AGBL1: variants seen among roughly 807,000 people sequenced by gnomAD.
The protein encoded by AGBL1 is AGBL carboxypeptidase 1.
A neutral mutation model predicts 118.9 loss-of-function variants in AGBL1; 130 were observed. The ratio of observed to expected loss-of-function variants is 1.09; its 90% CI spans 0.95 to 1.26. The LOEUF (loss-of-function observed/expected upper bound fraction) is 1.26, where lower values mean the gene tolerates loss of function less well. Among genes scored for constraint, AGBL1 ranks in the 50% most tolerant of loss-of-function variants. The pLI, the probability that AGBL1 is intolerant of heterozygous loss-of-function variation, is 0.00. For synonymous variants in AGBL1, 555 were observed against 478.9 expected (o/e 1.16, Z -2.08); for missense variants, 1,584 against 1,298.1 (o/e 1.22, Z -3.38).
chr15:86,871,702 C>T (rs780106251), intron 22 of AGBL1, among the ~76,000 whole-genome samples: 13 of 152,130 alleles, frequency 8.5e-5, no homozygotes, highest in Non-Finnish European at 1.6e-4. Context: ...TACACCGGGA[C>T]TGTTGGGTCA....
chr15:86,674,583 G>A (rs563637445), intron 22 of AGBL1, 147 bp downstream of exon 22: 71 of 780,650 alleles, frequency 9.1e-5, no homozygotes, highest in Non-Finnish European at 1.1e-4. Context: ...ACACTATCTC[G>A]TTTCCTACTG....
rs867084672 is a variant in AGBL1 at position 86,950,522 on chromosome 15, T to A, written c.3222-37465T>A. ...AGCAGTAACCAAAAAGAAAAAAATA[T>A]ATATATGTATATATATATGCACACA... On this transcript the variant is annotated intron_variant, in intron 23 of 24. Coordinates refer to the AGBL1 transcript ENST00000441037. Among the ~76,000 whole-genome samples, 19 of 150,392 alleles carry A rather than the reference T, an allele frequency of 1.3e-4. No homozygotes were observed. The East Asian group carries it at 1.4e-3, about 11-fold the overall frequency.
intron 6 of AGBL1, among the ~76,000 whole-genome samples, chr15:86,241,674 C>T (rs1324809846): frequency 6.6e-6 from 1 of 152,192 alleles, no homozygotes; most frequent in Non-Finnish European, 1.5e-5. Flanking sequence ...TAATCTCATT[C>T]ACAAGAGAAG....
intron 1 of AGBL1, among the ~76,000 whole-genome samples, chr15:86,124,323 CTG>C (rs1465198468): frequency 8.6e-6 from 1 of 116,646 alleles, no homozygotes; most frequent in Admixed American, 8.8e-5. Flanking sequence ...GAGTGAGACT[CTG>C]TCTCAAAAAA....
intron 19 of AGBL1, among the ~76,000 whole-genome samples, chr15:86,528,099 G>A (rs1001744757): frequency 1.4e-4 from 22 of 152,144 alleles, no homozygotes; most frequent in Non-Finnish European, 2.9e-4. Context: ...TTTCTGGGGG[G>A]AGGAGCCAAG....
intron 22 of AGBL1, among the ~76,000 whole-genome samples, chr15:86,732,803 CAT>C (rs2077542965): frequency 6.6e-6 from 1 of 151,866 alleles, no homozygotes; most frequent in African/African-American, 2.4e-5. Flanking sequence ...GCATCTGTCT[CAT>C]ATCCTCATCT....
At chr15:86,817,341 C>G (rs1352651991) in intron 22 of AGBL1, among the ~76,000 whole-genome samples, 1 of 149,978 alleles carries the variant, frequency 6.7e-6, no homozygotes. Flanking sequence ...GCCAAGCCTT[C>G]TAAATGCTCA....
Position 86,814,913 on chromosome 15 carries a change from C to T in AGBL1, c.3159-92174C>T, listed in dbSNP as rs1356927860. 1.3e-5 allele frequency among the ~76,000 whole-genome samples: 2 copies of T among 152,160 alleles called. 1 individual carries two copies. Among genetic ancestry groups the T allele is most frequent in the Admixed American group, 1.3e-4 (2 of 15,266 alleles). ...TGACGAAATGCATTAAAGTTTCTAA[C>T]AGAGTTCCTGCCTTCTTAGTAGAAA... On this transcript the variant is annotated intron_variant, in intron 22 of 22. Coordinates refer to ENST00000614907, the MANE Select transcript of AGBL1 (RefSeq NM_001386094.1).
intron 18 of AGBL1, among the ~76,000 whole-genome samples, chr15:86,472,348 G>A (rs945313566): frequency 5.3e-5 from 8 of 152,066 alleles, no homozygotes; most frequent in Admixed American, 4.6e-4. Flanking sequence ...TGCTTCTATG[G>A]CCTTAGGCTA....
intron 9 of AGBL1, among the ~76,000 whole-genome samples, chr15:86,261,484 T>C (rs2078982802): frequency 6.6e-6 from 1 of 152,222 alleles, no homozygotes. Flanking sequence ...GAAACATAGA[T>C]GGAACATTGC....
At position 86,307,860 on chromosome 15, in the gene AGBL1, C is replaced by T. The variant is rs989931761; in HGVS notation, c.2374+12452C>T. ...AATAAAATGGACATCTATGTATACACAATCCAATTTAAGAAATATGACATT... is the reference window on the plus strand; with the variant it reads ...AATAAAATGGACATCTATGTATACATAATCCAATTTAAGAAATATGACATT... On this transcript the variant is annotated intron_variant, in intron 17 of 22. Coordinates refer to ENST00000614907, the MANE Select transcript of AGBL1 (RefSeq NM_001386094.1). 3.3e-5 allele frequency among the ~76,000 whole-genome samples: 5 copies of T among 152,104 alleles called. No individual in the cohort carries two copies. In the East Asian group the frequency reaches 7.7e-4, roughly 23 times the overall value.
intron 22 of AGBL1, among the ~76,000 whole-genome samples, chr15:86,690,467 G>A (rs2086144852): frequency 6.6e-6 from 1 of 152,146 alleles, no homozygotes; most frequent in Non-Finnish European, 1.5e-5. Context: ...CATTTGGGGT[G>A]AGATTTAGTC....
chr15:86,289,576 T>A (rs775602248), intron 16 of AGBL1, among the ~76,000 whole-genome samples: 7 of 152,080 alleles, frequency 4.6e-5, no homozygotes, highest in Non-Finnish European at 8.8e-5. Flanking sequence ...AAATAAAAAA[T>A]TTACATCAGT....
Position 86,541,611 on chromosome 15 carries a change from AAAAAAAG to A in AGBL1, c.2686-4389_2686-4383del, listed in dbSNP as rs1412796307. On this transcript the variant is annotated intron_variant, in intron 19 of 22. Coordinates refer to ENST00000614907, the MANE Select transcript of AGBL1 (RefSeq NM_001386094.1). ...TATGTCTCAAAAAAAAAAAAAAAAA[AAAAAAAG>A]AGAGAGAGAGAGAGAGACCCACTGC... Among the ~76,000 whole-genome samples, 979 of 149,482 alleles carry A rather than the reference AAAAAAAG, an allele frequency of 6.5e-3. 5 individuals carry two copies. The highest frequency in any genetic ancestry group is 0.01 in the Non-Finnish European group (692 of 67,176).
At chr15:87,013,016 G>A (rs997067293) in intron 24 of AGBL1, among the ~76,000 whole-genome samples, 1 of 152,002 alleles carries the variant, frequency 6.6e-6, no homozygotes, top group Non-Finnish European at 1.5e-5. Flanking sequence ...TTCTGACCAC[G>A]GCTACTGATA....
intron 16 of AGBL1, among the ~76,000 whole-genome samples, chr15:86,292,456 C>T (rs1814756739): frequency 6.6e-6 from 1 of 151,992 alleles, no homozygotes; most frequent in African/African-American, 2.4e-5. Flanking sequence ...CCAGTGGGAC[C>T]CATTTTAGAC....
At chr15:86,207,427 A>G (rs923959423) in intron 5 of AGBL1, among the ~76,000 whole-genome samples, 1 of 152,068 alleles carries the variant, frequency 6.6e-6, no homozygotes, top group African/African-American at 2.4e-5. Flanking sequence ...CACGATATTG[A>G]TTCTTCTTAT....
chr15:86,475,342 T>C (rs941173203), intron 18 of AGBL1, among the ~76,000 whole-genome samples: 2 of 152,094 alleles, frequency 1.3e-5, no homozygotes, highest in African/African-American at 2.4e-5. Context: ...ATTAGAAGAA[T>C]GGCTAACTAG....
At chr15:86,633,199 GA>G (rs1401134387) in intron 21 of AGBL1, among the ~76,000 whole-genome samples, 2 of 151,938 alleles carry the variant, frequency 1.3e-5, no homozygotes, top group African/African-American at 4.8e-5. Flanking sequence ...GTGCAGCTCT[GA>G]AAAAAAATGC....
Sources: allele counts gnomAD v4.1 joint callset (sites outside exome capture counted in the v4.1 genomes callset), GRCh38; gene constraint gnomAD v4.1.1; transcripts MANE v1.5; gene names NCBI Gene and HGNC (gene_info 2026-07-23, HGNC 2026-07-21).